Variants in MECOM observed in about 807,000 individuals in gnomAD.
MECOM encodes MDS1 and EVI1 complex locus.
Under a neutral mutation model 116.3 loss-of-function variants are expected in MECOM, and 13 were observed. That is an observed-to-expected ratio of 0.11 (90% CI 0.07 to 0.18). The LOEUF (loss-of-function observed/expected upper bound fraction) is 0.18, where lower values mean the gene tolerates loss of function less well. Among genes scored for constraint, MECOM ranks in the 10% least tolerant of loss-of-function variants. The pLI is 1.00. For synonymous variants in MECOM, 528 were observed against 535.2 expected (o/e 0.99, Z 0.19); for missense variants, 1,299 against 1,509.0 (o/e 0.86, Z 2.31).
At chr3:169,361,357 T>C (rs1728274572) in intron 2 of MECOM, among the ~76,000 whole-genome samples, 1 of 151,818 alleles carries the variant, frequency 6.6e-6, no homozygotes, top group African/African-American at 2.4e-5. Context: ...AAGGGGACAA[T>C]ATTTAATTCA....
intron 1 of MECOM, among the ~76,000 whole-genome samples, chr3:169,597,088 A>G (rs926872916): frequency 6.6e-6 from 1 of 152,238 alleles, no homozygotes; most frequent in African/African-American, 2.4e-5. Context: ...GACATGGAAA[A>G]GTAACATCAC....
intron 2 of MECOM, among the ~76,000 whole-genome samples, chr3:169,300,851 A>C (rs2149712323): frequency 6.6e-6 from 1 of 152,282 alleles, no homozygotes; most frequent in South Asian, 2.1e-4. Flanking sequence ...GTACTTCTAT[A>C]CTGGAGCCTG....
At chr3:169,545,489 C>G (rs1462863852) in intron 1 of MECOM, among the ~76,000 whole-genome samples, 1 of 152,176 alleles carries the variant, frequency 6.6e-6, no homozygotes, top group Non-Finnish European at 1.5e-5. Flanking sequence ...AAAATAAAGA[C>G]AGTACACAAA....
At chr3:169,143,443 A>G (rs534561648) in intron 3 of MECOM, among the ~76,000 whole-genome samples, 8 of 152,150 alleles carry the variant, frequency 5.3e-5, no homozygotes, top group Middle Eastern at 3.2e-3. Flanking sequence ...TCAGTTTTTA[A>G]ATCAGTCACA....
intron 2 of MECOM, among the ~76,000 whole-genome samples, chr3:169,245,596 C>G (rs1195193095): frequency 6.6e-6 from 1 of 152,188 alleles, no homozygotes; most frequent in African/African-American, 2.4e-5. Flanking sequence ...TACAACCTAT[C>G]ACTCAGACTT....
intron 2 of MECOM, among the ~76,000 whole-genome samples, chr3:169,348,608 A>G (rs1725776738): frequency 6.6e-6 from 1 of 151,990 alleles, no homozygotes; most frequent in Non-Finnish European, 1.5e-5. Flanking sequence ...TGTAATTACT[A>G]TTATTATTTA....
chr3:169,324,880 C>A (rs1226378507), intron 2 of MECOM, among the ~76,000 whole-genome samples: 2 of 152,150 alleles, frequency 1.3e-5, no homozygotes, highest in Non-Finnish European at 2.9e-5. Flanking sequence ...TTCCCTACCA[C>A]CCCCCTCCCT....
chr3:169,140,042 A>G (rs562915832), intron 3 of MECOM, among the ~76,000 whole-genome samples: 44 of 133,826 alleles, frequency 3.3e-4, no homozygotes, highest in African/African-American at 1.3e-3. Flanking sequence ...TGTAAATGAA[A>G]CCTCTGAATA....
chr3:169,624,295 T>C (rs1295946387), intron 1 of MECOM, among the ~76,000 whole-genome samples: 1 of 151,842 alleles, frequency 6.6e-6, no homozygotes, highest in Admixed American at 6.5e-5. Context: ...ACACACATGC[T>C]GACCAGCACT....
chr3:169,135,941 A>C (rs1426335858), intron 3 of MECOM, among the ~76,000 whole-genome samples: 1 of 151,916 alleles, frequency 6.6e-6, no homozygotes, highest in East Asian at 1.9e-4. Context: ...CAAGTAGTTG[A>C]AAAGTAAAAC....
chr3:169,158,306 A>G (rs1457776411), intron 2 of MECOM, among the ~76,000 whole-genome samples: 2 of 152,150 alleles, frequency 1.3e-5, no homozygotes, highest in African/African-American at 2.4e-5. Flanking sequence ...CATAAAATAT[A>G]TTTTGCTGAA....
At chr3:169,523,088 T>C (rs888974167) in intron 1 of MECOM, among the ~76,000 whole-genome samples, 3 of 151,956 alleles carry the variant, frequency 2.0e-5, no homozygotes, top group Non-Finnish European at 4.4e-5. Context: ...GTGGAGATCT[T>C]TTATCTTTTC....
chr3:169,219,428 A>C (rs1751829999), intron 2 of MECOM, among the ~76,000 whole-genome samples: 1 of 152,148 alleles, frequency 6.6e-6, no homozygotes, highest in Non-Finnish European at 1.5e-5. Flanking sequence ...AATGGCCTGA[A>C]CCTGGGAGGC....
At chr3:169,307,377 T>A (rs1717916353) in intron 2 of MECOM, among the ~76,000 whole-genome samples, 1 of 152,142 alleles carries the variant, frequency 6.6e-6, no homozygotes, top group Admixed American at 6.5e-5. Flanking sequence ...AACCCAGGAA[T>A]TTGAGACCAG....
At chr3:169,223,092 T>A (rs1293560808) in intron 2 of MECOM, among the ~76,000 whole-genome samples, 1 of 150,990 alleles carries the variant, frequency 6.6e-6, no homozygotes, top group African/African-American at 2.4e-5. Flanking sequence ...TAAGTATCTC[T>A]GCTTTCATAC....
intron 1 of MECOM, among the ~76,000 whole-genome samples, chr3:169,529,186 C>A (rs899218810): frequency 6.6e-6 from 1 of 152,126 alleles, no homozygotes; most frequent in Admixed American, 6.5e-5. Flanking sequence ...GAAGGAGCTG[C>A]CAGAGAATCA....
chr3:169,197,506 A>T (rs1748589086), intron 2 of MECOM, among the ~76,000 whole-genome samples: 1 of 151,894 alleles, frequency 6.6e-6, no homozygotes, highest in Non-Finnish European at 1.5e-5. Flanking sequence ...AGCCATATTT[A>T]TGTGTTATGT....
intron 1 of MECOM, among the ~76,000 whole-genome samples, chr3:169,622,534 G>A (rs1197503210): frequency 1.3e-5 from 2 of 152,208 alleles, no homozygotes; most frequent in African/African-American, 4.8e-5. Context: ...AAGAGCAGAA[G>A]GCTCTGTGCC....
At chr3:169,161,901 A>T (rs1742901779) in intron 2 of MECOM, among the ~76,000 whole-genome samples, 1 of 152,100 alleles carries the variant, frequency 6.6e-6, no homozygotes, top group South Asian at 2.1e-4. Context: ...GCCTTGGAAA[A>T]CAAATTATCC....
Sources: gnomAD v4.1 joint callset for allele counts (sites outside exome capture counted in the v4.1 genomes callset) on GRCh38, gnomAD v4.1.1 for gene constraint, MANE v1.5 for transcripts, NCBI Gene and HGNC (gene_info 2026-07-23, HGNC 2026-07-21) for gene names.